KCNAB1: variants seen among roughly 807,000 people sequenced by gnomAD.
KCNAB1 encodes voltage-gated potassium channel subunit beta-1.
Under a neutral mutation model 64.6 loss-of-function variants are expected in KCNAB1, and 35 were observed. The ratio of observed to expected loss-of-function variants is 0.54; its 90% confidence interval spans 0.41 to 0.72. KCNAB1 has a LOEUF of 0.72. Among genes scored for constraint, KCNAB1 ranks in the 30% least tolerant of loss-of-function variants. KCNAB1 has a pLI of 0.00. For synonymous variants in KCNAB1, 177 were observed against 183.8 expected (o/e 0.96, Z 0.30); for missense variants, 401 against 512.9 (o/e 0.78, Z 2.11).
At chr3:156,494,466 T>C (rs898049296) in intron 8 of KCNAB1, among the ~76,000 whole-genome samples, 3 of 152,122 alleles carry the variant, frequency 2.0e-5, no homozygotes, top group African/African-American at 7.2e-5. Flanking sequence ...GGTGCCTCCT[T>C]CTCTACTCAG....
intron 1 of KCNAB1, among the ~76,000 whole-genome samples, chr3:156,227,431 G>A (rs67258913): frequency 0.12 from 18,606 of 152,080 alleles, 1,316 homozygotes; most frequent in Non-Finnish European, 0.16. Flanking sequence ...ATTCCAAGCA[G>A]CTAAAAAAGA....
chr3:156,471,769 C>T (rs893511778), intron 7 of KCNAB1, among the ~76,000 whole-genome samples: 2 of 152,148 alleles, frequency 1.3e-5, no homozygotes, highest in East Asian at 1.9e-4. Context: ...TAAGGAGATA[C>T]TCATGAAACA....
At chr3:156,154,901 T>C (rs1197065559) in intron 1 of KCNAB1, among the ~76,000 whole-genome samples, 1 of 152,198 alleles carries the variant, frequency 6.6e-6, no homozygotes. Flanking sequence ...TTCTGCCCCT[T>C]CTTCACAGGT....
chr3:156,237,715 G>C (rs1259388090), intron 1 of KCNAB1, among the ~76,000 whole-genome samples: 1 of 152,132 alleles, frequency 6.6e-6, no homozygotes, highest in Non-Finnish European at 1.5e-5. Flanking sequence ...TTGTGCTTCA[G>C]GTTAGAGGTC....
chr3:156,162,822 T>G, intron 1 of KCNAB1, among the ~76,000 whole-genome samples: 1 of 152,192 alleles, frequency 6.6e-6, no homozygotes, highest in African/African-American at 2.4e-5. Context: ...ACCTCCTTCA[T>G]TTGATTAGCT....
At chr3:156,180,357 C>CT (rs1205944550) in intron 1 of KCNAB1, among the ~76,000 whole-genome samples, 1 of 152,200 alleles carries the variant, frequency 6.6e-6, no homozygotes, top group African/African-American at 2.4e-5. Flanking sequence ...TTGTGCCATA[C>CT]TGACTAGTTG....
chr3:156,461,651 A>G (rs926697478), intron 5 of KCNAB1, among the ~76,000 whole-genome samples: 1 of 152,178 alleles, frequency 6.6e-6, no homozygotes, highest in Admixed American at 6.5e-5. Flanking sequence ...CTGCTGGAGT[A>G]CATCTAAGGA....
intron 8 of KCNAB1, among the ~76,000 whole-genome samples, chr3:156,494,304 G>A (rs1273099418): frequency 1.3e-5 from 2 of 151,972 alleles, no homozygotes; most frequent in East Asian, 1.9e-4. Flanking sequence ...TGTTATTTAT[G>A]TCCTTTTGTT....
At chr3:156,250,293 G>A (rs1717743132) in intron 1 of KCNAB1, among the ~76,000 whole-genome samples, 1 of 152,136 alleles carries the variant, frequency 6.6e-6, no homozygotes, top group Admixed American at 6.5e-5. Context: ...AGTCCAGAGG[G>A]CTTATAAGGG....
intron 1 of KCNAB1, among the ~76,000 whole-genome samples, chr3:156,290,483 A>G (rs773305936): frequency 6.6e-6 from 1 of 152,254 alleles, no homozygotes; most frequent in Non-Finnish European, 1.5e-5. Flanking sequence ...AAAGTAAATT[A>G]CCAGCCAACT....
At chr3:156,362,205 A>T (rs149782172) in intron 1 of KCNAB1, among the ~76,000 whole-genome samples, 2,024 of 152,326 alleles carry the variant, frequency 0.013, 17 homozygotes, top group South Asian at 0.031. Context: ...ATTTTTCATT[A>T]TTGATGCTCT....
intron 3 of KCNAB1, among the ~76,000 whole-genome samples, chr3:156,454,720 A>G (rs1433146903): frequency 1.3e-5 from 2 of 152,210 alleles, no homozygotes; most frequent in African/African-American, 4.8e-5. Context: ...GGAGGCCTAC[A>G]GTTAATAATC....
chr3:156,203,797 T>C (rs558888223), intron 1 of KCNAB1, among the ~76,000 whole-genome samples: 2 of 152,384 alleles, frequency 1.3e-5, no homozygotes, highest in East Asian at 3.9e-4. Flanking sequence ...ATCAAATATA[T>C]GTTTTTCAAA....
At chr3:156,256,248 C>G (rs1478998124) in intron 1 of KCNAB1, among the ~76,000 whole-genome samples, 1 of 152,210 alleles carries the variant, frequency 6.6e-6, no homozygotes, top group Non-Finnish European at 1.5e-5. Flanking sequence ...TCCCAGAAAT[C>G]TGGCCTTTCT....
At chr3:156,362,914 C>T (rs1560217762) in intron 1 of KCNAB1, among the ~76,000 whole-genome samples, 1 of 152,212 alleles carries the variant, frequency 6.6e-6, no homozygotes, top group Non-Finnish European at 1.5e-5. Flanking sequence ...CCCTGATGAG[C>T]CCAGCTCAGT....
chr3:156,139,593 T>TG (rs1443352694), intron 1 of KCNAB1, among the ~76,000 whole-genome samples: 6 of 145,552 alleles, frequency 4.1e-5, no homozygotes, highest in African/African-American at 1.5e-4. Context: ...TGTTTTTTTT[T>TG]TTTTTTTTTT....
chr3:156,336,355 C>T (rs1560202782), intron 1 of KCNAB1, among the ~76,000 whole-genome samples: 1 of 146,882 alleles, frequency 6.8e-6, no homozygotes, highest in East Asian at 2.0e-4. Context: ...GAGTGAGACT[C>T]TGTAAAACAA....
intron 1 of KCNAB1, among the ~76,000 whole-genome samples, chr3:156,236,815 T>C (rs902859964): frequency 6.6e-6 from 1 of 152,132 alleles, no homozygotes; most frequent in African/African-American, 2.4e-5. Flanking sequence ...GAATTGTTTA[T>C]TTGCCAGAAT....
intron 2 of KCNAB1, among the ~76,000 whole-genome samples, chr3:156,422,677 G>C (rs761864793): frequency 2.6e-5 from 4 of 152,186 alleles, no homozygotes; most frequent in Non-Finnish European, 5.9e-5. Flanking sequence ...CTCCAATTTA[G>C]AAAGGAGAGC....
Sources: allele counts gnomAD v4.1 joint callset (sites outside exome capture counted in the v4.1 genomes callset), GRCh38; gene constraint gnomAD v4.1.1; transcripts MANE v1.5; gene names NCBI Gene and HGNC (gene_info 2026-07-23, HGNC 2026-07-21).